Variants in ELAVL2 observed in about 807,000 individuals in gnomAD.
The protein encoded by ELAVL2 is ELAV like RNA binding protein 2.
A neutral mutation model predicts 34.6 loss-of-function variants in ELAVL2; 4 were observed. The ratio of observed to expected loss-of-function variants is 0.12; its 90% CI spans 0.06 to 0.26. The LOEUF (loss-of-function observed/expected upper bound fraction) is 0.26. Among genes scored for constraint, ELAVL2 ranks in the 10% least tolerant of loss-of-function variants. The pLI, the probability that ELAVL2 is intolerant of heterozygous loss-of-function variation, is 1.00. For missense variants in ELAVL2, 432 were observed against 442.8 expected (o/e 0.98, Z 0.22); for synonymous variants, 193 against 154.8 (o/e 1.25, Z -1.83).
chr9:23,757,449 G>A (rs1215510913), intron 2 of ELAVL2, among the ~76,000 whole-genome samples: 1 of 152,034 alleles, frequency 6.6e-6, no homozygotes, highest in Admixed American at 6.6e-5. Flanking sequence ...ACAAACCTGG[G>A]CCTCTCATCA....
At chr9:23,781,583 T>G (rs539345105) in intron 1 of ELAVL2, among the ~76,000 whole-genome samples, 160 of 151,260 alleles carry the variant, frequency 1.1e-3, no homozygotes, top group Non-Finnish European at 1.8e-3. Context: ...TACAGTGGTG[T>G]GATCACAGCT....
At chr9:23,718,834 G>A (rs994229552) in intron 3 of ELAVL2, among the ~76,000 whole-genome samples, 9 of 152,062 alleles carry the variant, frequency 5.9e-5, no homozygotes, top group Admixed American at 5.9e-4. Flanking sequence ...TTTTTTAAAT[G>A]AACTGATTTG....
At chr9:23,829,982 A>G (rs2065446970), upstream of ELAVL2, 1 of 152,170 alleles carries the variant, frequency 6.6e-6, no homozygotes, top group African/African-American at 2.4e-5. Flanking sequence ...CATCATGACA[A>G]ACTGTCAGGA....
intron 4 of ELAVL2, among the ~76,000 whole-genome samples, chr9:23,702,923 C>G (rs1309837382): frequency 9.9e-6 from 1 of 100,934 alleles, no homozygotes; most frequent in Non-Finnish European, 1.9e-5. Flanking sequence ...TAGAATTTAG[C>G]TGTTCCATTA....
At chr9:23,723,151 G>C (rs1406039184) in intron 3 of ELAVL2, among the ~76,000 whole-genome samples, 3 of 152,068 alleles carry the variant, frequency 2.0e-5, no homozygotes, top group Non-Finnish European at 4.4e-5. Flanking sequence ...ATTCACAATA[G>C]CAAAGACTTG....
intron 1 of ELAVL2, among the ~76,000 whole-genome samples, chr9:23,820,614 G>A (rs546181664): frequency 6.6e-6 from 1 of 152,046 alleles, no homozygotes; most frequent in African/African-American, 2.4e-5. Flanking sequence ...GGATAACAAG[G>A]AGGCTTTTAA....
intron 1 of ELAVL2, among the ~76,000 whole-genome samples, chr9:23,769,996 AAG>A (rs1194951484): frequency 6.6e-6 from 1 of 152,148 alleles, no homozygotes; most frequent in Non-Finnish European, 1.5e-5. Context: ...TGGGAAAGTA[AAG>A]ATCTGGCGAA....
chr9:23,814,703 A>G (rs189362219), intron 1 of ELAVL2, among the ~76,000 whole-genome samples: 1 of 152,300 alleles, frequency 6.6e-6, no homozygotes, highest in East Asian at 1.9e-4. Flanking sequence ...TGCTCCCTCT[A>G]TAATAAATGT....
intron 1 of ELAVL2, among the ~76,000 whole-genome samples, chr9:23,771,735 CA>C (rs2057342612): frequency 6.6e-6 from 1 of 152,096 alleles, no homozygotes; most frequent in Non-Finnish European, 1.5e-5. Flanking sequence ...AAGCTCTCCC[CA>C]AAAGTTTAAA....
At chr9:23,725,013 A>G (rs2044714749) in intron 3 of ELAVL2, among the ~76,000 whole-genome samples, 1 of 152,178 alleles carries the variant, frequency 6.6e-6, no homozygotes, top group Non-Finnish European at 1.5e-5. Context: ...AATGAGGGGT[A>G]CTTTGTAGAC....
intron 4 of ELAVL2, among the ~76,000 whole-genome samples, chr9:23,702,896 T>G (rs12341371): frequency 0.022 from 2,794 of 127,792 alleles, 81 homozygotes; most frequent in African/African-American, 0.075. Flanking sequence ...TAGCGCCTAT[T>G]AAGAATTAAT....
intron 2 of ELAVL2, among the ~76,000 whole-genome samples, chr9:23,734,144 G>A (rs1165084886): frequency 6.6e-6 from 1 of 152,152 alleles, no homozygotes; most frequent in African/African-American, 2.4e-5. Flanking sequence ...ACCATCGTTG[G>A]TGTATTAAAA....
intron 3 of ELAVL2, among the ~76,000 whole-genome samples, chr9:23,724,778 A>G (rs983188172): frequency 2.0e-5 from 3 of 152,178 alleles, no homozygotes; most frequent in Non-Finnish European, 4.4e-5. Flanking sequence ...GAAGTTAGGA[A>G]AACATGTACT....
chr9:23,720,344 T>C (rs1447403732), intron 3 of ELAVL2, among the ~76,000 whole-genome samples: 1 of 151,948 alleles, frequency 6.6e-6, no homozygotes, highest in Non-Finnish European at 1.5e-5. Flanking sequence ...CGGCTAATTT[T>C]TGTACTTTTT....
rs191704502 is a variant in ELAVL2, at chr9:23,762,364, A to G, written c.-15-115T>C. On this transcript the variant is annotated intron_variant, in intron 1 of 6. Coordinates refer to ENST00000397312, the MANE Select transcript of ELAVL2 (RefSeq NM_004432.5). ...CACAAGTCGTTCTAATGAAATTACA[A>G]CAATGCTTCAACAAAAAGTGTAATA... 6.9e-5 allele frequency: 94 copies of G among 1,357,614 alleles called. No homozygotes were observed. In the African/African-American group the frequency reaches 1.2e-3, roughly 17 times the overall value. The allele number at this position is 1,357,614 out of a possible 1,614,324, so 84.1% of individuals were successfully genotyped here.
chr9:23,832,593 G>C, the ELAVL2 span, among the ~76,000 whole-genome samples: 1 of 152,112 alleles, frequency 6.6e-6, no homozygotes, highest in East Asian at 1.9e-4. Context: ...AAGTTCGTTG[G>C]TGTCCATTTA....
chr9:23,725,308 G>A lies in ELAVL2; in HGVS notation c.333+5714C>T, dbSNP rs529208195. On this transcript the variant is annotated intron_variant, in intron 3 of 6. Transcript: ENST00000397312. ...TAACTCAGGCTCATTTCCCACACTC[G>A]CCTCCCATCCTGCTTTCTTTTTGGG... is the stretch of plus-strand genomic sequence containing the variant. Among the ~76,000 whole-genome samples, 9 of 151,962 alleles carry A rather than the reference G, an allele frequency of 5.9e-5. No homozygotes were observed. The East Asian group carries it at 1.5e-3, about 26-fold the overall frequency.
chr9:23,834,133 A>G, the ELAVL2 span, among the ~76,000 whole-genome samples: 2 of 152,138 alleles, frequency 1.3e-5, no homozygotes, highest in East Asian at 3.9e-4. Context: ...TTACGAAATG[A>G]TAGTAAATGG....
chr9:23,815,870 G>C (rs2063632813), intron 1 of ELAVL2, among the ~76,000 whole-genome samples: 1 of 152,154 alleles, frequency 6.6e-6, no homozygotes, highest in Non-Finnish European at 1.5e-5. Context: ...TACAAAAACA[G>C]AATGGATTTT....
Sources: allele counts gnomAD v4.1 joint callset (sites outside exome capture counted in the v4.1 genomes callset), GRCh38; gene constraint gnomAD v4.1.1; transcripts MANE v1.5; gene names NCBI Gene and HGNC (gene_info 2026-07-23, HGNC 2026-07-21).